SMPD3: variants seen among roughly 807,000 people sequenced by gnomAD.
SMPD3 encodes sphingomyelin phosphodiesterase 3, also known as nSMase-2.
SMPD3 carries 21 observed loss-of-function variants against 55.7 expected under a neutral mutation model. The ratio of observed to expected loss-of-function variants is 0.38; its 90% CI spans 0.27 to 0.54. The LOEUF is 0.54. SMPD3 is among the 20% of genes least tolerant of loss of function. SMPD3 has a pLI of 0.80. For missense variants in SMPD3, 842 were observed against 899.6 expected, an observed-to-expected ratio of 0.94 and a Z score of 0.82; for synonymous variants, 457 against 404.3, an observed-to-expected ratio of 1.13 and a Z score of -1.56.
At chr16:68,380,986 G>A (rs1186065650) in intron 2 of SMPD3, among the ~76,000 whole-genome samples, 1 of 152,188 alleles carries the variant, frequency 6.6e-6, no homozygotes. Flanking sequence ...AACATTCTTC[G>A]GAAGGGAATC....
At chr16:68,387,253 G>C (rs765842797) in intron 1 of SMPD3, among the ~76,000 whole-genome samples, 1 of 152,104 alleles carries the variant, frequency 6.6e-6, no homozygotes, top group Non-Finnish European at 1.5e-5. Context: ...TATCTAAGGG[G>C]GAGCAGGTCA....
At chr16:68,411,685 G>C (rs1396422199) in intron 1 of SMPD3, among the ~76,000 whole-genome samples, 2 of 152,226 alleles carry the variant, frequency 1.3e-5, no homozygotes, top group East Asian at 3.8e-4. Context: ...TGTAGAACAA[G>C]CTGGATCACT....
At chr16:68,369,389 G>A (rs1450702536) in intron 3 of SMPD3, 2 of 150,644 alleles carry the variant, frequency 1.3e-5, no homozygotes, top group African/African-American at 4.9e-5. Flanking sequence ...CAGTGAGGGT[G>A]CCCCACAGAG....
intron 1 of SMPD3, among the ~76,000 whole-genome samples, chr16:68,435,436 C>T (rs1019731522): frequency 1.3e-5 from 2 of 152,162 alleles, no homozygotes; most frequent in African/African-American, 4.8e-5. Flanking sequence ...CTCTACAGGG[C>T]AATTAGCAGC....
At chr16:68,363,077 C>T (rs1178394864) in intron 7 of SMPD3, among the ~76,000 whole-genome samples, 1 of 152,274 alleles carries the variant, frequency 6.6e-6, no homozygotes, top group East Asian at 1.9e-4. Context: ...GTTATTGCAG[C>T]TGGTGTCTGT....
At position 68,371,009 on chromosome 16, in the gene SMPD3, G is replaced by A; in HGVS notation, c.1173C>T (p.Val391=). 6.2e-7 allele frequency: 1 copy of A among 1,614,182 alleles called. No homozygotes were observed. Among genetic ancestry groups the A allele is most frequent in the Non-Finnish European group, 8.5e-7 (1 of 1,180,042 alleles). Residue 391 remains valine, a synonymous_variant, in exon 3 of 9, where the codon GTC becomes GTT. Coordinates refer to ENST00000219334, the MANE Select transcript of SMPD3 (RefSeq NM_018667.4). ...AGCTGCAGCAGCCCTGGCAGCCGTA[G>A]ACCCCGACGTCGTACAGGATGTACT... The part of the protein sequence containing the change: ...YFEYILYDVG[V]YGCQGCCSFK...
At chr16:68,411,722 A>T (rs2090302886) in intron 1 of SMPD3, among the ~76,000 whole-genome samples, 1 of 152,210 alleles carries the variant, frequency 6.6e-6, no homozygotes, top group Non-Finnish European at 1.5e-5. Context: ...ATTAACCTTG[A>T]TGTTTTATTC....
chr16:68,371,073 G>A lies in SMPD3; in HGVS notation c.1109C>T (p.Ala370Val), dbSNP rs893568339. The change falls in exon 3 of 9, where the codon GCA (alanine) becomes GTA (valine). Residue 370 changes from alanine to valine, a missense_variant. Coordinates refer to ENST00000219334, the MANE Select transcript of SMPD3 (RefSeq NM_018667.4). The stretch of plus-strand genomic sequence containing the variant: ...CAGCTGCTCTTTCAATTTGGTGGCT[G>A]CTCGCTTGTCAAACACCTCCTGCAG... ...LCLQEVFDKR[A>V]ATKLKEQLHG... 1 of 1,614,216 alleles carries A rather than the reference G, an allele frequency of 6.2e-7. No individual in the cohort carries two copies. The highest frequency in any genetic ancestry group is 1.1e-5 in the South Asian group (1 of 91,088).
chr16:68,429,645 C>T (rs1358301147), intron 1 of SMPD3, among the ~76,000 whole-genome samples: 1 of 152,162 alleles, frequency 6.6e-6, no homozygotes, highest in Non-Finnish European at 1.5e-5. Context: ...TTGTGTAGCC[C>T]AGGGCAGACA....
At chr16:68,441,266 C>T (rs960754672) in intron 1 of SMPD3, among the ~76,000 whole-genome samples, 2 of 152,184 alleles carry the variant, frequency 1.3e-5, no homozygotes, top group Non-Finnish European at 2.9e-5. Flanking sequence ...TAAGGCACAA[C>T]TTGCTCAAGT....
At chr16:68,392,835 G>GGA (rs527930943) in intron 1 of SMPD3, among the ~76,000 whole-genome samples, 1 of 88,292 alleles carries the variant, frequency 1.1e-5, no homozygotes, top group African/African-American at 5.1e-5. Flanking sequence ...CGCTGTCTGG[G>GGA]AAAAAAAAAA....
chr16:68,389,678 T>C (rs1332876560), intron 1 of SMPD3, among the ~76,000 whole-genome samples: 2 of 152,202 alleles, frequency 1.3e-5, no homozygotes, highest in Non-Finnish European at 2.9e-5. Flanking sequence ...GCCTTCCATC[T>C]GACTGTCAGT....
intron 8 of SMPD3, 76 bp downstream of exon 8, chr16:68,361,527 C>T (rs539856388): frequency 2.0e-5 from 31 of 1,564,630 alleles, no homozygotes; most frequent in East Asian, 6.7e-5. Flanking sequence ...TTTCAGGGAG[C>T]GGCTGTCGAG....
intron 1 of SMPD3, among the ~76,000 whole-genome samples, chr16:68,388,547 C>T (rs1354980760): frequency 6.6e-6 from 1 of 152,110 alleles, no homozygotes; most frequent in Non-Finnish European, 1.5e-5. Context: ...GAGCTCACCT[C>T]TCATCCCTGA....
Position 68,364,910 on chromosome 16 carries a change from C to T in SMPD3, c.1400-4G>A. 6.2e-7 allele frequency: 1 copy of T among 1,613,444 alleles called. No homozygotes were observed. Among genetic ancestry groups the T allele is most frequent in the South Asian group, 1.1e-5 (1 of 91,030 alleles). On this transcript the variant is annotated splice_polypyrimidine_tract_variant and splice_region_variant and intron_variant, in intron 4 of 8. Coordinates refer to ENST00000219334, the MANE Select transcript of SMPD3 (RefSeq NM_018667.4). ...CCACACCGGATGGCGCTGTCCTCTGCAGGGCAGAAGTACAGAGACTGGATG... is the reference window on the plus strand; with the variant it reads ...CCACACCGGATGGCGCTGTCCTCTGTAGGGCAGAAGTACAGAGACTGGATG...
chr16:68,376,299 C>G (rs2089812355), intron 2 of SMPD3, among the ~76,000 whole-genome samples: 1 of 152,258 alleles, frequency 6.6e-6, no homozygotes, highest in Non-Finnish European at 1.5e-5. Flanking sequence ...GCACTGGTGC[C>G]TGTCCCCTTC....
At chr16:68,391,777 C>T (rs957755716) in intron 1 of SMPD3, among the ~76,000 whole-genome samples, 1 of 152,148 alleles carries the variant, frequency 6.6e-6, no homozygotes, top group Admixed American at 6.5e-5. Flanking sequence ...GTGTCCCCAA[C>T]AAATTTATAT....
rs1047523578 is a variant in SMPD3 at position 68,404,150 on chromosome 16, G to C, written c.-268-17491C>G. 2.6e-5 allele frequency among the ~76,000 whole-genome samples: 4 copies of C among 151,620 alleles called. No homozygotes were observed. The highest frequency in any genetic ancestry group is 9.7e-5 in the African/African-American group (4 of 41,234). ...CCCACCTCAGCCTCCCGAGTAGCTG[G>C]GACTACTCAGTGCACACCACCACGC... On this transcript the variant is annotated intron_variant, in intron 1 of 8. Coordinates refer to ENST00000219334, the MANE Select transcript of SMPD3 (RefSeq NM_018667.4). This position sits in a 1 kb window ranked among gnomAD's most constrained non-coding sequence, Gnocchi z 4.0.
chr16:68,361,808 G>C, intron 7 of SMPD3, 49 bp from the exon 8 acceptor site: 2 of 1,595,198 alleles, frequency 1.3e-6, no homozygotes, highest in Non-Finnish European at 1.7e-6. Flanking sequence ...CGCCCCTGTG[G>C]GCCTGGCAGG....
Sources: allele counts gnomAD v4.1 joint callset (sites outside exome capture counted in the v4.1 genomes callset), GRCh38; gene constraint gnomAD v4.1.1; non-coding constraint Gnocchi (gnomAD v3.1); transcripts MANE v1.5; gene names NCBI Gene and HGNC (gene_info 2026-07-23, HGNC 2026-07-21).